Variants in CFB observed in about 807,000 individuals in gnomAD.
CFB encodes B-factor, properdin.
Under a neutral mutation model 97.2 loss-of-function variants are expected in CFB, and 59 were observed. The observed-to-expected ratio is 0.61, with a 90% CI of 0.49 to 0.75. The LOEUF is 0.75. Among genes scored for constraint, CFB ranks in the 30% least tolerant of loss-of-function variants. The probability of loss-of-function intolerance (pLI) is 0.00; values close to 1 mark genes in which losing one functional copy is unlikely to be tolerated. For synonymous variants in CFB, 316 were observed against 351.7 expected, an observed-to-expected ratio of 0.90 and a Z score of 1.14; for missense variants, 771 against 959.8, an observed-to-expected ratio of 0.80 and a Z score of 2.60.
Position 31,951,567 on chromosome 6 carries a change from GC to G in CFB, c.2106del (p.Leu703Ter). ...CCTCTCCTTGCAGGTGATTCTGGCG[GC>G]CCCTTGATAGTTCACAAGAGAAGTC... ...DPNTCRGDSGGPLIVHKRSRF... is the reference protein window; with the variant it reads ...DPNTCRGDSGXPLIVHKRSRF... On this transcript the variant is annotated frameshift_variant, in exon 17 of 18. Transcript: ENST00000425368. LOFTEE classifies it high-confidence loss of function. The surrounding 1 kb of genome is among the most constrained non-coding windows in gnomAD (Gnocchi z 4.3). The G allele has an allele frequency of 6.2e-7, 1 of 1,614,152 alleles. No homozygotes were observed. The highest frequency in any genetic ancestry group is 8.5e-7 in the Non-Finnish European group (1 of 1,180,038).
At position 31,946,342 on chromosome 6, in the gene CFB, G is replaced by A; in HGVS notation, c.65-31G>A. The A allele has an allele frequency of 6.2e-7, 1 of 1,612,828 alleles. No individual in the cohort carries two copies. The highest frequency in any genetic ancestry group is 8.5e-7 in the Non-Finnish European group (1 of 1,179,820). ...CTCCAGCATCCCTCCTTGGCCTTTT[G>A]GGGCCAGGCTTCATCAGCCTTTCTC... On this transcript the variant is annotated intron_variant, in intron 1 of 17. Transcript: ENST00000425368. The surrounding 1 kb of genome is among the most constrained non-coding windows in gnomAD (Gnocchi z 6.4).
Position 31,948,080 on chromosome 6 carries a change from A to G in CFB, c.896A>G (p.Lys299Arg). The G allele has an allele frequency of 6.2e-7, 1 of 1,614,142 alleles. No individual in the cohort carries two copies. Among genetic ancestry groups the G allele is most frequent in the Non-Finnish European group, 8.5e-7 (1 of 1,180,030 alleles). The change falls in exon 6 of 18, where the codon AAG becomes AGG. Residue 299 changes from lysine (K) to arginine (R), a missense_variant and splice_region_variant. Physicochemically the swap from Lys to Arg is conservative, Grantham distance 26. Coordinates refer to ENST00000425368, the MANE Select transcript of CFB (RefSeq NM_001710.6). ...AAGTGTCTAGTCAACTTAATTGAGA[A>G]GGTGGAATCCTCCTATCCCTGAACT... ...AKKCLVNLIE[K>R]VASYGVKPRY...
Position 31,948,558 on chromosome 6 carries a change from G to C in CFB, c.1036+46G>C, listed in dbSNP as rs377017229. On this transcript the variant is annotated intron_variant, in intron 7 of 17. Coordinates refer to ENST00000425368, the MANE Select transcript of CFB (RefSeq NM_001710.6). Reference sequence around the variant, plus strand: ...GGGAGGTTCACTTTGGGGTCAGGAGGTTCAGGGTGGAGGGGGTCATGAGAC... The same window carrying C: ...GGGAGGTTCACTTTGGGGTCAGGAGCTTCAGGGTGGAGGGGGTCATGAGAC... The C allele has an allele frequency of 7.6e-5, 122 of 1,612,754 alleles. No individual in the cohort carries two copies. The Middle Eastern group carries it at 1.2e-3, about 15-fold the overall frequency.
Position 31,950,378 on chromosome 6 carries a change from G to C in CFB, c.1599G>C (p.Lys533Asn). ...CACATTGTTTCACTGTGGATGACAAGGAACACTCAATCAAGGTCAGCGTAG... is the reference window on the plus strand; with the variant it reads ...CACATTGTTTCACTGTGGATGACAACGAACACTCAATCAAGGTCAGCGTAG... Reference protein sequence around the residue: ...TAAHCFTVDDKEHSIKVSVGG... With the variant: ...TAAHCFTVDDNEHSIKVSVGG... Residue 533 changes from lysine to asparagine, a missense_variant, in exon 12 of 18, where the codon AAG (lysine) becomes AAC (asparagine). Physicochemically the swap from Lys to Asn is moderately conservative, Grantham distance 94. Coordinates refer to ENST00000425368, the MANE Select transcript of CFB (RefSeq NM_001710.6). 6.2e-7 allele frequency: 1 copy of C among 1,612,992 alleles called. No individual in the cohort carries two copies. Among genetic ancestry groups the C allele is most frequent in the South Asian group, 1.1e-5 (1 of 91,086 alleles).
At chr6:31,948,720 G>C in intron 7 of CFB, 110 bp from the exon 8 acceptor site, 2 of 1,575,726 alleles carry the variant, frequency 1.3e-6, no homozygotes. Flanking sequence ...GTGTAATGAT[G>C]ATTAACTTAA....
chr6:31,947,445 G>A lies in CFB; in HGVS notation c.582G>A (p.Gly194=), dbSNP rs766797671. The A allele has an allele frequency of 2.5e-6, 4 of 1,613,030 alleles. No individual in the cohort carries two copies. In the South Asian group the frequency reaches 3.3e-5, roughly 13 times the overall value. Residue 194 remains glycine, a synonymous_variant, in exon 4 of 18, where the codon GGG becomes GGA. Transcript: ENST00000425368. This position sits in a 1 kb window ranked among gnomAD's most constrained non-coding sequence, Gnocchi z 5.3. The part of the protein sequence containing the change: ...EDSVTYHCSR[G]LTLRGSQRRT... Reference sequence around the variant, plus strand: ...GCGTCACCTACCACTGCAGCCGGGGGCTTACCCTGCGTGGCTCCCAGCGGC... The same window carrying A: ...GCGTCACCTACCACTGCAGCCGGGGACTTACCCTGCGTGGCTCCCAGCGGC...
rs748559042 is a variant in CFB, at chr6:31,946,847, A to C, written c.299-160A>C. The C allele has an allele frequency of 7.3e-6, 6 of 819,268 alleles. No homozygotes were observed. Among genetic ancestry groups the C allele is most frequent in the Non-Finnish European group, 1.2e-5 (6 of 492,174 alleles). The allele number at this position is 819,268 out of a possible 1,614,324, so 50.7% of individuals were successfully genotyped here. Reference sequence around the variant, plus strand: ...GAACACTCAGAAATGGGGAGGGAGAAGCAGTGGAAATCCATATGGGTTGAG... The same window carrying C: ...GAACACTCAGAAATGGGGAGGGAGACGCAGTGGAAATCCATATGGGTTGAG... On this transcript the variant is annotated intron_variant, in intron 2 of 17. Coordinates refer to ENST00000425368, the MANE Select transcript of CFB (RefSeq NM_001710.6). The surrounding 1 kb of genome is among the most constrained non-coding windows in gnomAD (Gnocchi z 6.4).
chr6:31,951,593 C>G lies in CFB; in HGVS notation c.2128C>G (p.Arg710Gly). ...CCCCTTGATAGTTCACAAGAGAAGT[C>G]GTTTCATTCAAGTGAGTCCTCCCTT... ...GGPLIVHKRS[R>G]FIQVGVISWG... is the part of the protein sequence containing the mutation. Residue 710 changes from arginine to glycine, a missense_variant, in exon 17 of 18, where the codon CGT becomes GGT. By Grantham distance (125) the Arg-to-Gly change is moderately radical. Transcript: ENST00000425368. The surrounding 1 kb of genome is among the most constrained non-coding windows in gnomAD (Gnocchi z 4.3). 1 of 1,614,176 alleles carries G rather than the reference C, an allele frequency of 6.2e-7. No homozygotes were observed. Among genetic ancestry groups the G allele is most frequent in the East Asian group, 2.2e-5 (1 of 44,886 alleles).
In CFB at chr6:31,951,232, G is replaced by A. The variant is rs1299911189; in HGVS notation, c.1944G>A (p.Lys648=). The part of the protein sequence containing the change: ...KKLTRKEVYI[K]NGDKKGSCER... ...TGACTCGGAAGGAGGTCTACATCAA[G>A]AATGGGGATAAGGTGAGAAACGGGC... The change falls in exon 15 of 18, where the codon AAG becomes AAA. Residue 648 remains lysine (K), a synonymous_variant. Coordinates refer to ENST00000425368, the MANE Select transcript of CFB (RefSeq NM_001710.6). This position sits in a 1 kb window ranked among gnomAD's most constrained non-coding sequence, Gnocchi z 4.3. 6.2e-7 allele frequency: 1 copy of A among 1,613,086 alleles called. No homozygotes were observed. Among genetic ancestry groups the A allele is most frequent in the African/African-American group, 1.3e-5 (1 of 74,938 alleles).
rs769901381 is a variant in CFB, at chr6:31,947,107, C to A, written c.399C>A (p.Asp133Glu). 1 of 1,613,028 alleles carries A rather than the reference C, an allele frequency of 6.2e-7. No individual in the cohort carries two copies. Residue 133 changes from aspartate (D) to glutamate (E), a missense_variant, in exon 3 of 18, where the codon GAC becomes GAA. By Grantham distance (45) the Asp-to-Glu change is conservative. Transcript: ENST00000425368. This position sits in a 1 kb window ranked among gnomAD's most constrained non-coding sequence, Gnocchi z 5.3. ...ATGAGATCTCTTTCCACTGCTATGACGGTTACACTCTCCGGGGCTCTGCCA... is the reference window on the plus strand; with the variant it reads ...ATGAGATCTCTTTCCACTGCTATGAAGGTTACACTCTCCGGGGCTCTGCCA... Reference protein sequence around the residue: ...VSDEISFHCYDGYTLRGSANR... With the variant: ...VSDEISFHCYEGYTLRGSANR...
intron 10 of CFB, 93 bp from the exon 11 acceptor site, chr6:31,949,957 G>C (rs1042185324): frequency 1.4e-5 from 17 of 1,179,586 alleles, no homozygotes; most frequent in African/African-American, 1.4e-4. Context: ...TCTCCTTTTG[G>C]GCCTTTGCTC....
Position 31,948,411 on chromosome 6 carries a change from T to C in CFB, c.935T>C (p.Val312Ala). The C allele has an allele frequency of 4.3e-6, 7 of 1,614,160 alleles. No individual in the cohort carries two copies. The highest frequency in any genetic ancestry group is 5.9e-6 in the Non-Finnish European group (7 of 1,180,030). The change falls in exon 7 of 18, where the codon GTG becomes GCG. Residue 312 changes from valine (V) to alanine (A), a missense_variant. Transcript: ENST00000425368. ...GGTGTGAAGCCAAGATATGGTCTAG[T>C]GACATATGCCACATACCCCAAAATT... ...SYGVKPRYGLVTYATYPKIWV... is the reference protein window; with the variant it reads ...SYGVKPRYGLATYATYPKIWV...
rs1287918123 is a variant in CFB, at chr6:31,949,333, A to T, written c.1259A>T (p.Glu420Val). The T allele has an allele frequency of 3.1e-6, 5 of 1,614,186 alleles. No homozygotes were observed. Among genetic ancestry groups the T allele is most frequent in the Non-Finnish European group, 4.2e-6 (5 of 1,180,022 alleles). Residue 420 changes from glutamate (E) to valine (V), a missense_variant, in exon 9 of 18, where the codon GAG becomes GTG. Glu to Val is a moderately radical substitution (Grantham distance 121). Coordinates refer to ENST00000425368, the MANE Select transcript of CFB (RefSeq NM_001710.6). ...GGCAAGGATCGCAAAAACCCAAGGG[A>T]GGATTATCTGGGTGAGTAACCTGCC... ...YIGKDRKNPR[E>V]DYLDVYVFGV...
rs1374021251 is a variant in CFB, at chr6:31,951,747, C to T, written c.2140-128C>T. On this transcript the variant is annotated intron_variant, in intron 17 of 17. Coordinates refer to ENST00000425368, the MANE Select transcript of CFB (RefSeq NM_001710.6). This position sits in a 1 kb window ranked among gnomAD's most constrained non-coding sequence, Gnocchi z 4.3. ...GACCGCATGTCTTGCCTGCGTGTGT[C>T]AAGAACGAGGCTGAGCTGGGTCCCT... 1 of 1,575,330 alleles carries T rather than the reference C, an allele frequency of 6.3e-7. No individual in the cohort carries two copies. Among genetic ancestry groups the T allele is most frequent in the African/African-American group, 1.3e-5 (1 of 74,108 alleles).
At chr6:31,948,654 G>T in intron 7 of CFB, 142 bp downstream of exon 7, 2 of 1,502,922 alleles carry the variant, frequency 1.3e-6, no homozygotes, top group Non-Finnish European at 9.1e-7. Context: ...GGCAATGGAG[G>T]TTAGTGGGAA....
chr6:31,949,019 C>A, intron 8 of CFB, 58 bp downstream of exon 8: 2 of 1,609,078 alleles, frequency 1.2e-6, no homozygotes, highest in South Asian at 2.2e-5. Flanking sequence ...CAGCATGTGG[C>A]CCTTAAGTCC....
chr6:31,949,446 T>C lies in CFB; in HGVS notation c.1297T>C (p.Leu433=). ...LDVYVFGVGP[L]VNQVNINALA... ...TGTCTATGTGTTTGGGGTCGGGCCTTTGGTGAACCAAGTGAACATCAATGC... is the reference window on the plus strand; with the variant it reads ...TGTCTATGTGTTTGGGGTCGGGCCTCTGGTGAACCAAGTGAACATCAATGC... The change falls in exon 10 of 18, where the codon TTG becomes CTG. Residue 433 remains leucine, a synonymous_variant. Transcript: ENST00000425368. The C allele has an allele frequency of 6.2e-7, 1 of 1,614,202 alleles. No homozygotes were observed. The highest frequency in any genetic ancestry group is 8.5e-7 in the Non-Finnish European group (1 of 1,180,042).
intron 8 of CFB, 25 bp from the exon 9 acceptor site, chr6:31,949,218 C>T (rs756368402): frequency 1.2e-6 from 2 of 1,611,142 alleles, no homozygotes; most frequent in Non-Finnish European, 1.7e-6. Flanking sequence ...TATCTCCTAC[C>T]CTCATGGTCC....
chr6:31,947,381 G>A lies in CFB; in HGVS notation c.518G>A (p.Gly173Asp), dbSNP rs1398096474. 2 of 1,613,004 alleles carry A rather than the reference G, an allele frequency of 1.2e-6. No individual in the cohort carries two copies. The highest frequency in any genetic ancestry group is 2.7e-5 in the African/African-American group (2 of 75,040). The change falls in exon 4 of 18, where the codon GGC (glycine) becomes GAC (aspartate). Residue 173 changes from glycine (G) to aspartate (D), a missense_variant. By Grantham distance (94) the Gly-to-Asp change is moderately conservative. Transcript: ENST00000425368. The surrounding 1 kb of genome is among the most constrained non-coding windows in gnomAD (Gnocchi z 5.3). ...GYCSNPGIPIGTRKVGSQYRL... is the reference protein window; with the variant it reads ...GYCSNPGIPIDTRKVGSQYRL... ...TGCTCCAACCCGGGCATCCCCATTG[G>A]CACAAGGAAGGTGGGCAGCCAGTAC...
Sources: gnomAD v4.1 joint callset for allele counts on GRCh38, gnomAD v4.1.1 for gene constraint, Gnocchi (gnomAD v3.1) non-coding constraint, MANE v1.5 for transcripts, NCBI Gene and HGNC (gene_info 2026-07-23, HGNC 2026-07-21) for gene names.